ITPR2: variants seen among roughly 807,000 people sequenced by gnomAD.
ITPR2 encodes inositol 1,4,5-trisphosphate receptor type 2.
In ITPR2, 207 loss-of-function variants were observed where a neutral mutation model predicts 317.1. That is an observed-to-expected ratio of 0.65 (90% CI 0.58 to 0.73). The LOEUF is 0.73. Among genes scored for constraint, ITPR2 ranks in the 30% least tolerant of loss-of-function variants. The pLI is 0.00. For synonymous variants in ITPR2, 1,156 were observed against 1,149.1 expected, an observed-to-expected ratio of 1.01 and a Z score of -0.12; for missense variants, 2,613 against 3,284.0, an observed-to-expected ratio of 0.80 and a Z score of 4.99.
intron 21 of ITPR2, among the ~76,000 whole-genome samples, chr12:26,649,650 C>T (rs114475904): frequency 6.6e-6 from 1 of 152,232 alleles, no homozygotes; most frequent in African/African-American, 2.4e-5. Context: ...TTCTCAAATC[C>T]CTCCAGAGAT....
intron 45 of ITPR2, among the ~76,000 whole-genome samples, chr12:26,444,264 T>G (rs918941675): frequency 6.6e-6 from 1 of 152,156 alleles, no homozygotes; most frequent in Non-Finnish European, 1.5e-5. Flanking sequence ...TCTCTCCCAT[T>G]TGAATGTCTA....
At chr12:26,588,461 T>C (rs1467361397) in intron 32 of ITPR2, among the ~76,000 whole-genome samples, 3 of 152,176 alleles carry the variant, frequency 2.0e-5, no homozygotes, top group South Asian at 4.1e-4. Flanking sequence ...AAAGACCATA[T>C]AAAATGAGCC....
intron 32 of ITPR2, among the ~76,000 whole-genome samples, chr12:26,595,226 C>T (rs538458862): frequency 1.3e-5 from 2 of 152,294 alleles, no homozygotes; most frequent in South Asian, 4.1e-4. Context: ...CAAACACAGT[C>T]ACTCATAAAG....
At chr12:26,771,927 T>C (rs1318839516) in intron 2 of ITPR2, among the ~76,000 whole-genome samples, 1 of 152,124 alleles carries the variant, frequency 6.6e-6, no homozygotes, top group East Asian at 1.9e-4. Flanking sequence ...AAATATTAAA[T>C]GCATTAATAG....
intron 45 of ITPR2, among the ~76,000 whole-genome samples, chr12:26,451,365 TCACACA>T (rs57642539): frequency 0.066 from 8,986 of 136,310 alleles, 427 homozygotes; most frequent in African/African-American, 0.14. Context: ...TTCTCTCATA[TCACACA>T]CACACACACA....
chr12:26,727,258 A>G lies in ITPR2; in HGVS notation c.164-1493T>C, dbSNP rs559564784. On this transcript the variant is annotated intron_variant, in intron 2 of 56. Coordinates refer to ENST00000381340, the MANE Select transcript of ITPR2 (RefSeq NM_002223.4). ...CCACAAGTTGTTTACAGATATTTCC[A>G]TAAGAGTGCTCCCAATTTAATACAG... Among the ~76,000 whole-genome samples the G allele has an allele frequency of 2.2e-3, 329 of 152,322 alleles. 1 individual carries two copies. The highest frequency in any genetic ancestry group is 1.4e-3 in the Non-Finnish European group (92 of 68,036).
chr12:26,406,995 A>G (rs1479745967), intron 52 of ITPR2, among the ~76,000 whole-genome samples: 1 of 152,166 alleles, frequency 6.6e-6, no homozygotes, highest in Non-Finnish European at 1.5e-5. Context: ...GGCTTCCAGC[A>G]GTATCTGTGA....
intron 21 of ITPR2, among the ~76,000 whole-genome samples, chr12:26,651,841 T>C (rs1947262850): frequency 6.6e-6 from 1 of 151,976 alleles, no homozygotes; most frequent in Non-Finnish European, 1.5e-5. Context: ...GGTGGAGGAG[T>C]GGTATGTCCA....
At chr12:26,733,211 G>C (rs1200108458) in intron 2 of ITPR2, among the ~76,000 whole-genome samples, 1 of 151,726 alleles carries the variant, frequency 6.6e-6, no homozygotes, top group African/African-American at 2.4e-5. Flanking sequence ...CCACTCAAGA[G>C]GCTGAGGCAG....
chr12:26,702,570 C>T (rs1334340149), intron 9 of ITPR2, among the ~76,000 whole-genome samples: 1 of 152,002 alleles, frequency 6.6e-6, no homozygotes, highest in Admixed American at 6.6e-5. Flanking sequence ...TCCTGAGTAG[C>T]TGGGGCTACA....
At chr12:26,825,767 G>T (rs1951000336) in intron 1 of ITPR2, among the ~76,000 whole-genome samples, 1 of 152,144 alleles carries the variant, frequency 6.6e-6, no homozygotes, top group Admixed American at 6.5e-5. Flanking sequence ...TATACTTTAT[G>T]TTCACCACTT....
In ITPR2 at chr12:26,646,161, C is replaced by T. The variant is rs569103791; in HGVS notation, c.2740+7815G>A. ...TAAAAGAAGAACGCCATTCAATGAA[C>T]GAGGAAGATTACATACTAATCTTCA... On this transcript the variant is annotated intron_variant, in intron 21 of 56. Transcript: ENST00000381340. Among the ~76,000 whole-genome samples, 25 of 151,996 alleles carry T rather than the reference C, an allele frequency of 1.6e-4. No homozygotes were observed. The South Asian group carries it at 3.3e-3, about 20-fold the overall frequency.
At position 26,686,558 on chromosome 12, in the gene ITPR2, G is replaced by T. The variant is rs373326295; in HGVS notation, c.1071C>A (p.Val357=). 4.9e-5 allele frequency: 79 copies of T among 1,612,448 alleles called. No individual in the cohort carries two copies. The highest frequency in any genetic ancestry group is 8.4e-5 in the Admixed American group (5 of 59,866). Residue 357 remains valine, a synonymous_variant, in exon 11 of 57, where the codon GTC becomes GTA. Coordinates refer to ENST00000381340, the MANE Select transcript of ITPR2 (RefSeq NM_002223.4). ...GEKIMYTLVS[V]PHGNDIASLF... Reference sequence around the variant, plus strand: ...GGGATGCAATGTCATTGCCATGCGGGACTGAAACCAAAGTATACATGATCT... The same window carrying T: ...GGGATGCAATGTCATTGCCATGCGGTACTGAAACCAAAGTATACATGATCT...
intron 54 of ITPR2, among the ~76,000 whole-genome samples, chr12:26,391,817 G>A (rs1464056746): frequency 2.6e-5 from 4 of 151,778 alleles, no homozygotes; most frequent in South Asian, 2.1e-4. Context: ...TGCTCGCCTC[G>A]GCCTCCCAAA....
At chr12:26,435,442 G>A (rs766826598) in intron 48 of ITPR2, among the ~76,000 whole-genome samples, 3 of 152,108 alleles carry the variant, frequency 2.0e-5, no homozygotes, top group Non-Finnish European at 4.4e-5. Flanking sequence ...ATTATTAGCT[G>A]ATTTCTCCAT....
intron 55 of ITPR2, 128 bp downstream of exon 55, chr12:26,387,306 A>C: frequency 4.9e-6 from 4 of 810,818 alleles, no homozygotes; most frequent in Non-Finnish European, 7.8e-6. Context: ...AGTGATTGAC[A>C]GGCCTATTTA....
Position 26,449,146 on chromosome 12 carries a change from A to C in ITPR2, c.6343-5496T>G, listed in dbSNP as rs539295598. ...TAGTACTTTTCATCTGTATTTTTTT[A>C]ATGTGAGTTCCAATTTTATTAATTG... On this transcript the variant is annotated intron_variant, in intron 45 of 56. Coordinates refer to ENST00000381340, the MANE Select transcript of ITPR2 (RefSeq NM_002223.4). 2.6e-5 allele frequency among the ~76,000 whole-genome samples: 4 copies of C among 152,274 alleles called. No homozygotes were observed. In the East Asian group the frequency reaches 5.8e-4, roughly 22 times the overall value.
intron 26 of ITPR2, among the ~76,000 whole-genome samples, chr12:26,620,122 G>T (rs1296002079): frequency 6.6e-6 from 1 of 152,098 alleles, no homozygotes; most frequent in Non-Finnish European, 1.5e-5. Context: ...CCCTATAGCT[G>T]AAGTTCTAAA....
At chr12:26,711,664 T>A (rs543622103) in intron 8 of ITPR2, among the ~76,000 whole-genome samples, 36 of 152,310 alleles carry the variant, frequency 2.4e-4, no homozygotes, top group African/African-American at 8.4e-4. Flanking sequence ...AAGCTAGAGC[T>A]TCCATTCTAA....
Sources: gnomAD v4.1 joint callset for allele counts (sites outside exome capture counted in the v4.1 genomes callset) on GRCh38, gnomAD v4.1.1 for gene constraint, MANE v1.5 for transcripts, NCBI Gene and HGNC (gene_info 2026-07-23, HGNC 2026-07-21) for gene names.